The following ZNF479 variants were observed in gnomAD, a reference collection of about 807,000 sequenced individuals.
The protein encoded by ZNF479 is KRAB zinc finger protein KR19.
Under a neutral mutation model 14.7 loss-of-function variants are expected in ZNF479, and 15 were observed. The ratio of observed to expected loss-of-function variants is 1.02; its 90% CI spans 0.68 to 1.57. The LOEUF (loss-of-function observed/expected upper bound fraction) is 1.57. Among genes scored for constraint, ZNF479 ranks in the 40% most tolerant of loss-of-function variants. The probability of loss-of-function intolerance (pLI) is 0.00; values close to 1 mark genes in which losing one functional copy is unlikely to be tolerated. For missense variants in ZNF479, 506 were observed against 615.1 expected (o/e 0.82, Z 1.88); for synonymous variants, 145 against 211.5 (o/e 0.69, Z 2.73).
At position 57,130,946 on chromosome 7, in the gene ZNF479, T is replaced by A. The variant is rs150247429; in HGVS notation, c.39+1340A>T. Among the ~76,000 whole-genome samples, 15 of 152,302 alleles carry A rather than the reference T, an allele frequency of 9.8e-5. No homozygotes were observed. The East Asian group carries it at 2.3e-3, about 24-fold the overall frequency. ...ATAAGAAAGAACAACATCATGTCCT[T>A]TGCAGCAATGTCGATTGAACTGGAG... On this transcript the variant is annotated intron_variant, in intron 1 of 3. Transcript: ENST00000319636.
At chr7:57,133,587 C>T (rs771151220), upstream of ZNF479, among the ~76,000 whole-genome samples, 3 of 152,178 alleles carry the variant, frequency 2.0e-5, no homozygotes, top group Admixed American at 6.5e-5. Context: ...AAAGGTGGAG[C>T]TGGGCGCAGT....
intron 1 of ZNF479, among the ~76,000 whole-genome samples, chr7:57,131,740 T>C (rs554229111): frequency 6.6e-6 from 1 of 152,318 alleles, no homozygotes; most frequent in East Asian, 1.9e-4. Flanking sequence ...AAACCAATTA[T>C]TGAATCTGGT....
upstream of ZNF479, among the ~76,000 whole-genome samples, chr7:57,135,961 ATCTCTCTCTCAATCTCTCTC>A (rs1196837375): frequency 1.4e-4 from 15 of 108,910 alleles, no homozygotes; most frequent in African/African-American, 6.2e-4. Context: ...GCCATAGGCA[ATCTCTCTCTCAATCTCTCTC>A]TCTCTCTCTC....
chr7:57,132,432 CA>C lies in ZNF479; in HGVS notation c.-109del. ...CTGCAGCTCTGGACGCAGAGAAACA[CA>C]AAGGACCCGCAAAATTACGGAAGTA... On this transcript the variant is annotated 5_prime_UTR_variant, in exon 1 of 4. Coordinates refer to ENST00000319636, the MANE Select transcript of ZNF479 (RefSeq NM_001370129.2). 4 of 1,565,436 alleles carry C rather than the reference CA, an allele frequency of 2.6e-6. No homozygotes were observed. In the South Asian group the frequency reaches 4.5e-5, roughly 17 times the overall value.
chr7:57,121,099 A>C lies in ZNF479; in HGVS notation c.316T>G (p.Ser106Ala). 1.2e-6 allele frequency: 2 copies of C among 1,613,840 alleles called. No homozygotes were observed. Among genetic ancestry groups the C allele is most frequent in the South Asian group, 1.1e-5 (1 of 91,074 alleles). The change falls in exon 4 of 4, where the codon TCA becomes GCA. Residue 106 changes from serine (S) to alanine (A), a missense_variant. Coordinates refer to ENST00000319636, the MANE Select transcript of ZNF479 (RefSeq NM_001370129.2). ...GTTCTTGGTATTACTTTTTGGAGTG[A>C]ATCTTTGATGCCCTGCTCTGGCTGA... The part of the protein sequence containing the change: ...DLQPEQGIKD[S>A]LQKVIPRTYG...
intron 1 of ZNF479, among the ~76,000 whole-genome samples, chr7:57,132,060 G>A (rs1786451004): frequency 6.6e-6 from 1 of 152,176 alleles, no homozygotes; most frequent in South Asian, 2.1e-4. Flanking sequence ...CTCCAGTCCA[G>A]GGTAAAGCCA....
chr7:57,132,352 G>A lies in ZNF479; in HGVS notation c.-28C>T. 2.5e-6 allele frequency: 4 copies of A among 1,614,090 alleles called. No individual in the cohort carries two copies. The highest frequency in any genetic ancestry group is 3.4e-6 in the Non-Finnish European group (4 of 1,180,000). The stretch of plus-strand genomic sequence containing the variant: ...ATCTGCAGATACCTGCAGGACACAA[G>A]GACACATAGGCTTGGCCTCTAGGAG... On this transcript the variant is annotated 5_prime_UTR_variant, in exon 1 of 4. Transcript: ENST00000319636.
intron 1 of ZNF479, among the ~76,000 whole-genome samples, chr7:57,137,944 T>G (rs1193657282): frequency 6.6e-6 from 1 of 152,190 alleles, no homozygotes; most frequent in Non-Finnish European, 1.5e-5. Flanking sequence ...GAGGAATGGT[T>G]ACATATCACT....
intron 1 of ZNF479, among the ~76,000 whole-genome samples, chr7:57,139,154 G>A (rs4530988): frequency 0.089 from 13,607 of 152,284 alleles, 818 homozygotes; most frequent in South Asian, 0.15. Context: ...AGGTGAGATT[G>A]TGACTCTCAT....
intron 1 of ZNF479, among the ~76,000 whole-genome samples, chr7:57,126,995 T>C (rs1786195753): frequency 6.6e-6 from 1 of 151,576 alleles, no homozygotes; most frequent in Non-Finnish European, 1.5e-5. Context: ...CATGGACATG[T>C]CTTTTTCTTT....
rs201692022 is a variant in ZNF479, at chr7:57,119,901, T to C, written c.1514A>G (p.His505Arg). Residue 505 changes from histidine to arginine, a missense_variant, in exon 4 of 4, where the codon CAT (histidine) becomes CGT (arginine). Coordinates refer to ENST00000319636, the MANE Select transcript of ZNF479 (RefSeq NM_001370129.2). ...CEECEQAFKW[H>R]SSLAKHKIIH... is the part of the protein sequence containing the mutation. ...TATCTTATGTTTAGCAAGACTTGAATGCCACTTAAAAGCTTGCTCACATTC... is the reference window on the plus strand; with the variant it reads ...TATCTTATGTTTAGCAAGACTTGAACGCCACTTAAAAGCTTGCTCACATTC... 59 of 1,613,484 alleles carry C rather than the reference T, an allele frequency of 3.7e-5. No homozygotes were observed. Among genetic ancestry groups the C allele is most frequent in the Non-Finnish European group, 4.6e-5 (54 of 1,179,746 alleles).
exon 1 of ZNF479, chr7:57,139,802 C>A (rs1433431479): frequency 6.6e-6 from 1 of 152,198 alleles, no homozygotes; most frequent in Admixed American, 6.5e-5. Flanking sequence ...GTTCTAATTA[C>A]AGAAGGCATT....
In ZNF479 at chr7:57,119,980, T is replaced by G. The variant is rs1785832409; in HGVS notation, c.1435A>C (p.Thr479Pro). The G allele has an allele frequency of 1.9e-6, 3 of 1,613,656 alleles. No individual in the cohort carries two copies. In the African/African-American group the frequency reaches 4.0e-5, roughly 22 times the overall value. ...TGAATTCTCTTATGTTGCATAAGGG[T>G]TGAGGAGCAATTAAAGGCTTTGCCA... The part of the protein sequence containing the change: ...ECGKAFNCSS[T>P]LMQHKRIHTG... Residue 479 changes from threonine (T) to proline (P), a missense_variant, in exon 4 of 4, where the codon ACC (threonine) becomes CCC (proline). Physicochemically the swap from Thr to Pro is conservative, Grantham distance 38. Coordinates refer to ENST00000319636, the MANE Select transcript of ZNF479 (RefSeq NM_001370129.2).
In ZNF479 at chr7:57,117,973, T is replaced by C. The variant is rs1239107023; in HGVS notation, c.*1867A>G. 3.9e-5 allele frequency among the ~76,000 whole-genome samples: 6 copies of C among 152,298 alleles called. No individual in the cohort carries two copies. The highest frequency in any genetic ancestry group is 8.8e-5 in the Non-Finnish European group (6 of 68,054). The stretch of plus-strand genomic sequence containing the variant: ...TTACACTCAACCCTCTGATTTAGTG[T>C]AATGTATGAAGTTTCAGTGCCTTCA... On this transcript the variant is annotated 3_prime_UTR_variant, in exon 4 of 4. Transcript: ENST00000319636.
At chr7:57,129,201 GA>G (rs1194902116) in intron 1 of ZNF479, among the ~76,000 whole-genome samples, 2 of 152,152 alleles carry the variant, frequency 1.3e-5, no homozygotes, top group African/African-American at 2.4e-5. Flanking sequence ...CTACCAAACT[GA>G]AACAGGGCAG....
chr7:57,133,277 G>A (rs142481299), upstream of ZNF479, among the ~76,000 whole-genome samples: 1,042 of 152,160 alleles, frequency 6.8e-3, 11 homozygotes, highest in African/African-American at 0.023. Context: ...AATGTGGCAC[G>A]TCCTCCCCGG....
upstream of ZNF479, among the ~76,000 whole-genome samples, chr7:57,137,114 A>C (rs1002918413): frequency 6.6e-6 from 1 of 152,190 alleles, no homozygotes; most frequent in African/African-American, 2.4e-5. Context: ...AAGTAGTAAG[A>C]GAATTAAATA....
rs1554400273 is a variant in ZNF479, at chr7:57,120,683, C to T, written c.732G>A (p.Glu244=). The change falls in exon 4 of 4, where the codon GAG becomes GAA. Residue 244 remains glutamate (E), a synonymous_variant. Transcript: ENST00000319636. ...IHTGEKPYRC[E]ECGKAFSWSA... is the part of the protein sequence containing the mutation. ...ACCAGCTAAAGGCTTTGCCACATTC[C>T]TCACATCTATATGGTTTCTCTCCAG... The T allele has an allele frequency of 2.5e-6, 4 of 1,613,460 alleles. No homozygotes were observed. The highest frequency in any genetic ancestry group is 2.2e-5 in the East Asian group (1 of 44,844).
In ZNF479 at chr7:57,121,056, T is replaced by C. The variant is rs377432158; in HGVS notation, c.359A>G (p.His120Arg). The C allele has an allele frequency of 2.2e-5, 36 of 1,613,848 alleles. No homozygotes were observed. The highest frequency in any genetic ancestry group is 2.7e-5 in the Non-Finnish European group (32 of 1,179,942). Residue 120 changes from histidine (H) to arginine (R), a missense_variant, in exon 4 of 4, where the codon CAT (histidine) becomes CGT (arginine). Around this residue, in one of 3 missense-constraint regions of ZNF479, gnomAD observed 420 missense variants for 474.2 expected, o/e 0.89. Transcript: ENST00000319636. ...GCATTTTTTAAATTGTAATTTCTCA[T>C]GTCCACATTTTCCATATGTTCTTGG... is the stretch of plus-strand genomic sequence containing the variant. Reference protein sequence around the residue: ...VIPRTYGKCGHEKLQFKKCCK... With the variant: ...VIPRTYGKCGREKLQFKKCCK...
Sources: allele counts gnomAD v4.1 joint callset (sites outside exome capture counted in the v4.1 genomes callset), GRCh38; gene constraint gnomAD v4.1.1; regional missense constraint gnomAD v4.1.1; transcripts MANE v1.5; gene names NCBI Gene and HGNC (gene_info 2026-07-23, HGNC 2026-07-21).